TGFB2: variants seen among roughly 807,000 people sequenced by gnomAD.
TGFB2 encodes transforming growth factor beta 2, also known as transforming growth factor beta-2 proprotein.
Under a neutral mutation model 42.7 loss-of-function variants are expected in TGFB2, and 13 were observed. That is an observed-to-expected ratio of 0.30 (90% confidence interval 0.20 to 0.48). The LOEUF (loss-of-function observed/expected upper bound fraction) is 0.48, where lower values mean the gene tolerates loss of function less well. TGFB2 is among the 20% of genes least tolerant of loss of function. The probability of loss-of-function intolerance (pLI) is 0.99; values close to 1 mark genes in which losing one functional copy is unlikely to be tolerated. For synonymous variants in TGFB2, 193 were observed against 193.6 expected (o/e 1.00, Z 0.03); for missense variants, 390 against 517.5 (o/e 0.75, Z 2.39).
At chr1:218,358,956 G>A (rs574299371) in intron 1 of TGFB2, among the ~76,000 whole-genome samples, 1 of 152,270 alleles carries the variant, frequency 6.6e-6, no homozygotes, top group East Asian at 1.9e-4. Context: ...ACTTTTCTGT[G>A]CAAAGGATGG....
chr1:218,397,480 C>G (rs1406330851), intron 1 of TGFB2, among the ~76,000 whole-genome samples: 1 of 149,664 alleles, frequency 6.7e-6, no homozygotes, highest in Non-Finnish European at 1.5e-5. Flanking sequence ...AGGAGAATGG[C>G]GTGAACCCGG....
In TGFB2 at chr1:218,437,343, A is replaced by G; in HGVS notation, c.933A>G (p.Arg311=). The stretch of plus-strand genomic sequence containing the variant: ...TGCTTTTTTTTTTTTTTTTTAACAG[A>G]AATGTGCAGGATAATTGCTGCCTAC... ...KRALDAAYCF[R]NVQDNCCLRP... is the part of the protein sequence containing the mutation. Residue 311 remains arginine (R), a splice_region_variant and synonymous_variant, in exon 6 of 7, where the codon AGA becomes AGG. Transcript: ENST00000366930. 1 of 1,570,044 alleles carries G rather than the reference A, an allele frequency of 6.4e-7. No homozygotes were observed. The highest frequency in any genetic ancestry group is 8.6e-7 in the Non-Finnish European group (1 of 1,164,156).
chr1:218,379,898 T>A (rs1286200028), intron 1 of TGFB2, among the ~76,000 whole-genome samples: 1 of 152,252 alleles, frequency 6.6e-6, no homozygotes. Context: ...TACCTATGTC[T>A]AGTTCCTTTT....
intron 1 of TGFB2, among the ~76,000 whole-genome samples, chr1:218,375,247 G>T (rs539637186): frequency 6.6e-6 from 1 of 152,062 alleles, no homozygotes; most frequent in Non-Finnish European, 1.5e-5. Flanking sequence ...ACCTGCTGTT[G>T]ATAAGCCAAG....
intron 5 of TGFB2, among the ~76,000 whole-genome samples, chr1:218,436,496 C>G (rs1297877006): frequency 1.3e-5 from 2 of 152,176 alleles, no homozygotes; most frequent in Admixed American, 1.3e-4. Context: ...AAAGACCCAC[C>G]ATCTGGATGA....
At chr1:218,428,226 G>T (rs1304997529) in intron 2 of TGFB2, among the ~76,000 whole-genome samples, 1 of 152,126 alleles carries the variant, frequency 6.6e-6, no homozygotes, top group African/African-American at 2.4e-5. Context: ...TGTAGATTCT[G>T]GATATTAGCC....
In TGFB2 at chr1:218,388,508, G is replaced by C. The variant is rs149915928; in HGVS notation, c.347-16661G>C. 9.2e-4 allele frequency among the ~76,000 whole-genome samples: 140 copies of C among 152,302 alleles called. 1 individual carries two copies. The highest frequency in any genetic ancestry group is 1.9e-3 in the South Asian group (9 of 4,816). On this transcript the variant is annotated intron_variant, in intron 1 of 6. Transcript: ENST00000366930. ...CTCGCCCACCATGAAAGAAAGAGCA[G>C]GCTGTTCTGAAGACATCTTTATTCC...
chr1:218,426,297 C>T (rs145939155), intron 2 of TGFB2, among the ~76,000 whole-genome samples: 235 of 152,228 alleles, frequency 1.5e-3, no homozygotes, highest in African/African-American at 5.3e-3. Context: ...TAACCCAAGT[C>T]CTGAGTTGTT....
intron 1 of TGFB2, among the ~76,000 whole-genome samples, chr1:218,386,016 C>A (rs1444457447): frequency 6.6e-6 from 1 of 152,140 alleles, no homozygotes; most frequent in Non-Finnish European, 1.5e-5. Flanking sequence ...CCTGGCTACT[C>A]GCAGGGATGT....
At chr1:218,406,600 T>TA (rs1431474859) in intron 2 of TGFB2, among the ~76,000 whole-genome samples, 1 of 152,164 alleles carries the variant, frequency 6.6e-6, no homozygotes, top group Non-Finnish European at 1.5e-5. Context: ...TACTTGCATA[T>TA]AGGGTATAGG....
intron 2 of TGFB2, among the ~76,000 whole-genome samples, chr1:218,424,967 G>T (rs1446196211): frequency 6.6e-6 from 1 of 152,146 alleles, no homozygotes; most frequent in African/African-American, 2.4e-5. Context: ...TTTTAACAAG[G>T]ATGGTGACAC....
intron 5 of TGFB2, among the ~76,000 whole-genome samples, chr1:218,436,838 T>A (rs977186038): frequency 6.6e-6 from 1 of 152,246 alleles, no homozygotes; most frequent in Non-Finnish European, 1.5e-5. Context: ...CAAGACTCCA[T>A]GTTTCTTGAT....
chr1:218,360,704 T>C lies in TGFB2; in HGVS notation c.346+13657T>C, dbSNP rs1333648245. Among the ~76,000 whole-genome samples, 3 of 152,368 alleles carry C rather than the reference T, an allele frequency of 2.0e-5. No individual in the cohort carries two copies. In the East Asian group the frequency reaches 5.8e-4, roughly 29 times the overall value. ...ATAAAATTTAAAATAAAAAAAGTTA[T>C]GTTTGTAAGACTATAAATGCCTCAG... On this transcript the variant is annotated intron_variant, in intron 1 of 6. Coordinates refer to ENST00000366930, the MANE Select transcript of TGFB2 (RefSeq NM_003238.6).
intron 1 of TGFB2, among the ~76,000 whole-genome samples, chr1:218,366,063 C>A (rs937549611): frequency 2.0e-5 from 3 of 152,098 alleles, no homozygotes; most frequent in Non-Finnish European, 4.4e-5. Context: ...CATGTGACTG[C>A]GAAATCATTT....
intron 1 of TGFB2, among the ~76,000 whole-genome samples, chr1:218,397,912 C>T (rs905834137): frequency 6.6e-6 from 1 of 152,144 alleles, no homozygotes; most frequent in Non-Finnish European, 1.5e-5. Context: ...CGTTCATACC[C>T]ACACCTTCTG....
chr1:218,415,126 A>G (rs896692787), intron 2 of TGFB2, among the ~76,000 whole-genome samples: 1 of 152,224 alleles, frequency 6.6e-6, no homozygotes, highest in Non-Finnish European at 1.5e-5. Flanking sequence ...CAAAGATTTT[A>G]TAAGGCATAG....
intron 1 of TGFB2, among the ~76,000 whole-genome samples, chr1:218,389,127 C>A (rs1032687007): frequency 2.2e-4 from 34 of 152,230 alleles, no homozygotes; most frequent in African/African-American, 7.2e-4. Context: ...GTAATCCTAA[C>A]CTGGCTTACA....
intron 6 of TGFB2, among the ~76,000 whole-genome samples, chr1:218,438,800 C>G (rs754840753): frequency 6.6e-6 from 1 of 152,106 alleles, no homozygotes; most frequent in Non-Finnish European, 1.5e-5. Context: ...TCTTATCCAA[C>G]GCTTTCATTT....
intron 1 of TGFB2, among the ~76,000 whole-genome samples, chr1:218,395,833 C>T (rs1174601528): frequency 6.6e-6 from 1 of 152,106 alleles, no homozygotes; most frequent in East Asian, 1.9e-4. Context: ...CCAGGATGGT[C>T]TCGATCTCCT....
Sources: allele counts gnomAD v4.1 joint callset (sites outside exome capture counted in the v4.1 genomes callset), GRCh38; gene constraint gnomAD v4.1.1; transcripts MANE v1.5; gene names NCBI Gene and HGNC (gene_info 2026-07-23, HGNC 2026-07-21).